Variants in PIK3R3 observed in about 807,000 individuals in gnomAD.
PIK3R3 encodes the protein phosphoinositide-3-kinase regulatory subunit 3.
A neutral mutation model predicts 62.9 loss-of-function variants in PIK3R3; 64 were observed. The observed-to-expected ratio is 1.02, with a 90% CI of 0.83 to 1.25. The LOEUF is 1.25. PIK3R3 is among the 50% of genes most tolerant of loss of function. The probability of loss-of-function intolerance (pLI) is 0.00; values close to 1 mark genes in which losing one functional copy is unlikely to be tolerated. For missense variants in PIK3R3, 614 were observed against 561.6 expected (o/e 1.09, Z -0.94); for synonymous variants, 165 against 189.0 (o/e 0.87, Z 1.04).
In PIK3R3 at chr1:46,046,066, C is replaced by T; in HGVS notation, c.1039G>A (p.Asp347Asn). 6.2e-7 allele frequency: 1 copy of T among 1,601,684 alleles called. No individual in the cohort carries two copies. The highest frequency in any genetic ancestry group is 8.5e-7 in the Non-Finnish European group (1 of 1,170,386). ...TCATCATAATGGGGCAGGTTTTCATCTTCCTCATTGATAAAATAGTTCCTA... is the reference window on the plus strand; with the variant it reads ...TCATCATAATGGGGCAGGTTTTCATTTTCCTCATTGATAAAATAGTTCCTA... ...ADENYFINEEDENLPHYDEKT... is the reference protein window; with the variant it reads ...ADENYFINEENENLPHYDEKT... The change falls in exon 9 of 10, where the codon GAT becomes AAT. Residue 347 changes from aspartate (D) to asparagine (N), a missense_variant. Asp to Asn is a conservative substitution (Grantham distance 23). Transcript: ENST00000262741.
chr1:46,108,399 A>ATTATG (rs1181188245), intron 1 of PIK3R3, among the ~76,000 whole-genome samples: 1 of 152,206 alleles, frequency 6.6e-6, no homozygotes, highest in African/African-American at 2.4e-5. Context: ...CTATTCCCAT[A>ATTATG]CCACAGCTAC....
chr1:46,052,244 T>G (rs901699738), intron 7 of PIK3R3, among the ~76,000 whole-genome samples: 3 of 152,182 alleles, frequency 2.0e-5, no homozygotes, highest in African/African-American at 7.2e-5. Flanking sequence ...TGTCTTATTG[T>G]GCTGTATTCA....
intron 1 of PIK3R3, among the ~76,000 whole-genome samples, chr1:46,129,952 C>T (rs2149479041): frequency 6.6e-6 from 1 of 152,254 alleles, no homozygotes; most frequent in Non-Finnish European, 1.5e-5. Context: ...ATGTTTATTT[C>T]CATGGAAAAT....
intron 1 of PIK3R3, among the ~76,000 whole-genome samples, chr1:46,125,731 T>C (rs1655030408): frequency 6.6e-6 from 1 of 152,088 alleles, no homozygotes. Context: ...ATTTCTAGAC[T>C]AGTAGGTCTC....
At chr1:46,115,869 A>G (rs960328168) in intron 1 of PIK3R3, among the ~76,000 whole-genome samples, 5 of 152,308 alleles carry the variant, frequency 3.3e-5, no homozygotes, top group East Asian at 3.9e-4. Context: ...AGATCAGAAT[A>G]ATGACACGGG....
chr1:46,059,062 A>T (rs1266819028), intron 6 of PIK3R3, among the ~76,000 whole-genome samples: 1 of 152,202 alleles, frequency 6.6e-6, no homozygotes, highest in African/African-American at 2.4e-5. Flanking sequence ...TTCTCATTGT[A>T]GTGAGTAAGT....
At position 46,132,145 on chromosome 1, in the gene PIK3R3, A is replaced by C; in HGVS notation, c.-193T>G. On this transcript the variant is annotated 5_prime_UTR_variant, in exon 1 of 10. It adds an upstream start codon to the 5' untranslated region. Coordinates refer to ENST00000262741, the MANE Select transcript of PIK3R3 (RefSeq NM_003629.4). ...CCCTCTCTCCTACAGAACACAACAA[A>C]ATGCCCCCGAACTTTCAAGCTATGG... 7.4e-7 allele frequency: 1 copy of C among 1,350,676 alleles called. No homozygotes were observed. Among genetic ancestry groups the C allele is most frequent in the Non-Finnish European group, 9.5e-7 (1 of 1,049,682 alleles). The allele number at this position is 1,350,676 out of a possible 1,614,324, so 83.7% of individuals were successfully genotyped here. A position where few individuals can be genotyped will look rare whatever the true frequency, so the allele number is the denominator to read the frequency against.
Position 46,132,517 on chromosome 1 carries a change from C to A in PIK3R3, c.-565G>T. The A allele has an allele frequency of 8.1e-7, 1 of 1,233,110 alleles. No individual in the cohort carries two copies. Among genetic ancestry groups the A allele is most frequent in the Non-Finnish European group, 1.0e-6 (1 of 960,878 alleles). The allele number at this position is 1,233,110 out of a possible 1,614,324, so 76.4% of individuals were successfully genotyped here. On this transcript the variant is annotated 5_prime_UTR_variant, in exon 1 of 10. Coordinates refer to ENST00000262741, the MANE Select transcript of PIK3R3 (RefSeq NM_003629.4). ...GTCGGTCTCGGAACCGAAGCTGCCG[C>A]AGCCTCGGGAATGGGGCCGGCCGGA...
chr1:46,165,751 C>CTTTTTTTTTTTTTTTT, the PIK3R3 span, among the ~76,000 whole-genome samples: 14 of 39,554 alleles, frequency 3.5e-4, 6 homozygotes, highest in East Asian at 2.1e-3. Context: ...CTGCTTTGTC[C>CTTTTTTTTTTTTTTTT]TTTTTTTTTT....
At chr1:46,163,757 G>A in the PIK3R3 span, among the ~76,000 whole-genome samples, 25 of 152,288 alleles carry the variant, frequency 1.6e-4, no homozygotes, top group South Asian at 1.7e-3. Flanking sequence ...GTGAGAAGAC[G>A]TCACACAGAC....
At chr1:46,131,763 C>T in intron 1 of PIK3R3, 84 bp downstream of exon 1, 2 of 1,321,462 alleles carry the variant, frequency 1.5e-6, no homozygotes, top group African/African-American at 1.4e-5. Flanking sequence ...CCCAGGAATA[C>T]TTCTGCCCTG....
chr1:46,131,629 G>T lies in PIK3R3; in HGVS notation c.106+218C>A, dbSNP rs552546657. On this transcript the variant is annotated intron_variant, in intron 1 of 9. Transcript: ENST00000262741. ...GTCTCTCCTCCCACCCCCACTTCCA[G>T]CCCCCACCCCCACCTTCGCAGGACA... 451 of 102,676 alleles carry T rather than the reference G, an allele frequency of 4.4e-3. 3 individuals are homozygous for T. In the African/African-American group the frequency reaches 0.05, roughly 11 times the overall value. The allele number at this position is 102,676 out of a possible 1,614,324, so 6.4% of individuals were successfully genotyped here.
chr1:46,061,128 A>G (rs1215300430), intron 6 of PIK3R3, among the ~76,000 whole-genome samples: 1 of 152,158 alleles, frequency 6.6e-6, no homozygotes, highest in East Asian at 1.9e-4. Context: ...AGTGAGCTCC[A>G]TTTGTGTTCT....
At chr1:46,139,147 T>A in the PIK3R3 span, 1 of 152,156 alleles carries the variant, frequency 6.6e-6, no homozygotes, top group African/African-American at 2.4e-5. Flanking sequence ...GGAAGAACAG[T>A]TCAAAATGAC....
chr1:46,108,941 C>T (rs943446477), intron 1 of PIK3R3, among the ~76,000 whole-genome samples: 2 of 152,180 alleles, frequency 1.3e-5, no homozygotes, highest in Non-Finnish European at 1.5e-5. Context: ...GGGCGGATCA[C>T]GAGGTCAGGA....
chr1:46,049,427 C>G (rs755876060), intron 7 of PIK3R3, among the ~76,000 whole-genome samples: 9 of 152,204 alleles, frequency 5.9e-5, no homozygotes, highest in Non-Finnish European at 1.3e-4. Context: ...CGCCTTCGTC[C>G]TGGAAGAAAG....
At chr1:46,160,282 G>T in the PIK3R3 span, among the ~76,000 whole-genome samples, 1 of 152,210 alleles carries the variant, frequency 6.6e-6, no homozygotes, top group East Asian at 1.9e-4. Context: ...AGACTGGACT[G>T]ATATCTAACT....
chr1:46,075,590 C>CCAGCCTAGGAGA (rs900368119), intron 3 of PIK3R3, among the ~76,000 whole-genome samples: 24 of 152,044 alleles, frequency 1.6e-4, no homozygotes, highest in Non-Finnish European at 2.8e-4. Flanking sequence ...CCACTGCACT[C>CCAGCCTAGGAGA]CAGCCTAGGA....
At chr1:46,143,008 G>C in the PIK3R3 span, among the ~76,000 whole-genome samples, 1 of 150,774 alleles carries the variant, frequency 6.6e-6, no homozygotes, top group Non-Finnish European at 1.5e-5. Flanking sequence ...GTGTAGATTT[G>C]TGTAGATGTG....
Sources: allele counts gnomAD v4.1 joint callset (sites outside exome capture counted in the v4.1 genomes callset), GRCh38; gene constraint gnomAD v4.1.1; transcripts MANE v1.5; gene names NCBI Gene and HGNC (gene_info 2026-07-23, HGNC 2026-07-21).